KCNQ1: variants seen among roughly 807,000 people sequenced by gnomAD.
KCNQ1 encodes potassium voltage-gated channel subfamily KQT member 1.
A neutral mutation model predicts 72.4 loss-of-function variants in KCNQ1; 49 were observed. The observed-to-expected ratio is 0.68, with a 90% CI of 0.54 to 0.86. The LOEUF is 0.86. KCNQ1 is among the 40% of genes least tolerant of loss of function. KCNQ1 has a pLI of 0.00. For missense variants in KCNQ1, 790 were observed against 945.1 expected (o/e 0.84, Z 2.15); for synonymous variants, 450 against 412.6 (o/e 1.09, Z -1.10).
At position 2,781,695 on chromosome 11, in the gene KCNQ1, C is replaced by T. The variant is rs931089844; in HGVS notation, c.1794+3658C>T. ...CCTGCCACACTGTTTACGTTGGGCCCTGTTTATTTTGCAAGCTAAGCTCAT... is the reference window on the plus strand; with the variant it reads ...CCTGCCACACTGTTTACGTTGGGCCTTGTTTATTTTGCAAGCTAAGCTCAT... On this transcript the variant is annotated intron_variant, in intron 15 of 15. Coordinates refer to ENST00000155840, the MANE Select transcript of KCNQ1 (RefSeq NM_000218.3). This position sits in a 1 kb window ranked among gnomAD's most constrained non-coding sequence, Gnocchi z 6.6. 3.3e-5 allele frequency among the ~76,000 whole-genome samples: 5 copies of T among 152,222 alleles called. No homozygotes were observed. Among genetic ancestry groups the T allele is most frequent in the African/African-American group, 1.2e-4 (5 of 41,456 alleles).
intron 10 of KCNQ1, chr11:2,615,513 T>C: frequency 2.5e-6 from 1 of 398,030 alleles, no homozygotes; most frequent in Non-Finnish European, 4.4e-6. Context: ...GTTTTTTTTC[T>C]CATTAAGTAT....
rs1032063883 is a variant in KCNQ1 at position 2,674,471 on chromosome 11, C to G, written c.1514+12390C>G. On this transcript the variant is annotated intron_variant, in intron 11 of 15. Transcript: ENST00000155840. This position sits in a 1 kb window ranked among gnomAD's most constrained non-coding sequence, Gnocchi z 5.9. ...GCACGTGGGGAGGAGGGCTGCCTGTCGAGATGTGTAAGATGGCCCCAGTGT... is the reference window on the plus strand; with the variant it reads ...GCACGTGGGGAGGAGGGCTGCCTGTGGAGATGTGTAAGATGGCCCCAGTGT... The G allele has an allele frequency of 3.8e-5, 15 of 398,450 alleles. No homozygotes were observed. The highest frequency in any genetic ancestry group is 2.2e-5 in the Non-Finnish European group (5 of 226,110). 24.7% of individuals were successfully genotyped at this position (398,450 alleles called of 1,614,324 possible).
In KCNQ1 at chr11:2,482,129, C is replaced by T. The variant is rs1050611403; in HGVS notation, c.386+36645C>T. On this transcript the variant is annotated intron_variant, in intron 1 of 15. Transcript: ENST00000155840. The surrounding 1 kb of genome is among the most constrained non-coding windows in gnomAD (Gnocchi z 5.7). ...TTTGAGGATTGAATGAACTCATTGT[C>T]CAGCACCCTTAGCTTCTTGCCAGCT... 4.6e-5 allele frequency among the ~76,000 whole-genome samples: 7 copies of T among 152,148 alleles called. No individual in the cohort carries two copies. The highest frequency in any genetic ancestry group is 1.7e-4 in the African/African-American group (7 of 41,420).
chr11:2,753,827 C>G (rs548536339), intron 11 of KCNQ1, among the ~76,000 whole-genome samples: 3 of 152,142 alleles, frequency 2.0e-5, no homozygotes, highest in African/African-American at 7.2e-5. Context: ...TCCCAGCTTC[C>G]CTCTATCTGA....
intron 1 of KCNQ1, among the ~76,000 whole-genome samples, chr11:2,496,821 C>A (rs1309507995): frequency 6.6e-6 from 1 of 152,052 alleles, no homozygotes; most frequent in African/African-American, 2.4e-5. Flanking sequence ...GTGGCTGATA[C>A]TGCTTTTTCC....
At position 2,669,350 on chromosome 11, in the gene KCNQ1, G is replaced by A. The variant is rs780507024; in HGVS notation, c.1514+7269G>A. 42 of 398,510 alleles carry A rather than the reference G, an allele frequency of 1.1e-4. No individual in the cohort carries two copies. Among genetic ancestry groups the A allele is most frequent in the Non-Finnish European group, 1.5e-4 (35 of 226,084 alleles). The allele number at this position is 398,510 out of a possible 1,614,324, so 24.7% of individuals were successfully genotyped here. A position where few individuals can be genotyped will look rare whatever the true frequency, so the allele number is the denominator to read the frequency against. ...TCTAGGCGCAGCAGCCTCTAGATGG[G>A]CATGGGAGAATGGGTATCCTTATAG... On this transcript the variant is annotated intron_variant, in intron 11 of 15. Coordinates refer to ENST00000155840, the MANE Select transcript of KCNQ1 (RefSeq NM_000218.3). The surrounding 1 kb of genome is among the most constrained non-coding windows in gnomAD (Gnocchi z 5.6).
In KCNQ1 at chr11:2,671,478, A is replaced by G; in HGVS notation, c.1514+9397A>G. The stretch of plus-strand genomic sequence containing the variant: ...AACCCAGCAGGGGATATACACAAAG[A>G]TCTGAGAAAGGGATTATTTTTAGGG... On this transcript the variant is annotated intron_variant, in intron 11 of 15. Transcript: ENST00000155840. The surrounding 1 kb of genome is among the most constrained non-coding windows in gnomAD (Gnocchi z 4.7). 1 of 398,570 alleles carries G rather than the reference A, an allele frequency of 2.5e-6. No homozygotes were observed. The highest frequency in any genetic ancestry group is 2.1e-5 in the African/African-American group (1 of 48,716). The allele number at this position is 398,570 out of a possible 1,614,324, so 24.7% of individuals were successfully genotyped here.
chr11:2,758,212 A>G (rs1470255110), intron 11 of KCNQ1, among the ~76,000 whole-genome samples: 1 of 152,216 alleles, frequency 6.6e-6, no homozygotes, highest in Non-Finnish European at 1.5e-5. Flanking sequence ...ACTCAACAGT[A>G]AAAAACAGCC....
Position 2,678,840 on chromosome 11 carries a change from G to A in KCNQ1, c.1514+16759G>A, listed in dbSNP as rs1201346189. 1 of 398,514 alleles carries A rather than the reference G, an allele frequency of 2.5e-6. No individual in the cohort carries two copies. The highest frequency in any genetic ancestry group is 4.4e-6 in the Non-Finnish European group (1 of 226,084). 24.7% of individuals were successfully genotyped at this position (398,514 alleles called of 1,614,324 possible). A position where few individuals can be genotyped will look rare whatever the true frequency, so the allele number is the denominator to read the frequency against. On this transcript the variant is annotated intron_variant, in intron 11 of 15. Coordinates refer to ENST00000155840, the MANE Select transcript of KCNQ1 (RefSeq NM_000218.3). The surrounding 1 kb of genome is among the most constrained non-coding windows in gnomAD (Gnocchi z 4.9). Reference sequence around the variant, plus strand: ...TCCAAGGCTCACTTCAAGGAAGGCAGAATCCAGGTCGGGGGTGCACAGGAG... The same window carrying A: ...TCCAAGGCTCACTTCAAGGAAGGCAAAATCCAGGTCGGGGGTGCACAGGAG...
Position 2,661,662 on chromosome 11 carries a change from G to A in KCNQ1, c.1394-299G>A. ...GTGTCAGTTGTGAACATGGGAAGAG[G>A]CCCAGAACCTGAGGTGGGGAGAGTC... On this transcript the variant is annotated intron_variant, in intron 10 of 15. Transcript: ENST00000155840. The surrounding 1 kb of genome is among the most constrained non-coding windows in gnomAD (Gnocchi z 5.9). 1.7e-6 allele frequency: 1 copy of A among 596,466 alleles called. No individual in the cohort carries two copies. Among genetic ancestry groups the A allele is most frequent in the Middle Eastern group, 4.4e-4 (1 of 2,252 alleles). 36.9% of individuals were successfully genotyped at this position (596,466 alleles called of 1,614,324 possible).
intron 2 of KCNQ1, among the ~76,000 whole-genome samples, chr11:2,569,405 A>C (rs1290099608): frequency 1.3e-5 from 2 of 152,248 alleles, no homozygotes; most frequent in Admixed American, 1.3e-4. Context: ...TTTGGGAGCC[A>C]GCGATGGCAG....
At chr11:2,729,277 C>T (rs974609764) in intron 11 of KCNQ1, among the ~76,000 whole-genome samples, 12 of 152,368 alleles carry the variant, frequency 7.9e-5, no homozygotes, top group African/African-American at 1.2e-4. Flanking sequence ...CTGCCCTGGA[C>T]GTGACAAATC....
chr11:2,678,523 T>G lies in KCNQ1; in HGVS notation c.1514+16442T>G. On this transcript the variant is annotated intron_variant, in intron 11 of 15. Transcript: ENST00000155840. The surrounding 1 kb of genome is among the most constrained non-coding windows in gnomAD (Gnocchi z 4.9). ...ATTTCTAGACTCTATTCTGGACTGC[T>G]GATGGGCCTGTTGATAGGCCAGAGC... The G allele has an allele frequency of 2.5e-6, 1 of 398,642 alleles. No homozygotes were observed. Among genetic ancestry groups the G allele is most frequent in the Non-Finnish European group, 4.4e-6 (1 of 226,056 alleles). The allele number at this position is 398,642 out of a possible 1,614,324, so 24.7% of individuals were successfully genotyped here.
chr11:2,838,733 C>T (rs1395659472), intron 15 of KCNQ1, among the ~76,000 whole-genome samples: 1 of 152,124 alleles, frequency 6.6e-6, no homozygotes, highest in African/African-American at 2.4e-5. Context: ...CCCCTGCCCA[C>T]CTGCCCCCGT....
chr11:2,496,403 G>T (rs1846916973), intron 1 of KCNQ1, among the ~76,000 whole-genome samples: 2 of 151,038 alleles, frequency 1.3e-5, no homozygotes, highest in South Asian at 4.2e-4. Context: ...CGCCACTGCA[G>T]TCTGGCCTGG....
Position 2,653,984 on chromosome 11 carries a change from G to C in KCNQ1, c.1394-7977G>C. The C allele has an allele frequency of 5.0e-6, 2 of 398,688 alleles. No homozygotes were observed. Among genetic ancestry groups the C allele is most frequent in the Admixed American group, 8.8e-5 (2 of 22,746 alleles). The allele number at this position is 398,688 out of a possible 1,614,324, so 24.7% of individuals were successfully genotyped here. On this transcript the variant is annotated intron_variant, in intron 10 of 15. Transcript: ENST00000155840. This position sits in a 1 kb window ranked among gnomAD's most constrained non-coding sequence, Gnocchi z 5.3. ...CCACTCAAGCAAGGTATTTTCCTAA[G>C]CGGAACTGGGTGCCAGCTGTGAATA... is the stretch of plus-strand genomic sequence containing the variant.
rs557458506 is a variant in KCNQ1, at chr11:2,509,606, G to A, written c.387-18322G>A. 7.5e-4 allele frequency among the ~76,000 whole-genome samples: 114 copies of A among 152,300 alleles called. No homozygotes were observed. Among genetic ancestry groups the A allele is most frequent in the African/African-American group, 2.7e-3 (114 of 41,570 alleles). ...GGGTGTGAGGGCAGTAGTGCAGGTCGTGGTCCCAGATGGCCACGGAGGTGT... is the reference window on the plus strand; with the variant it reads ...GGGTGTGAGGGCAGTAGTGCAGGTCATGGTCCCAGATGGCCACGGAGGTGT... On this transcript the variant is annotated intron_variant, in intron 1 of 15. Transcript: ENST00000155840. This position sits in a 1 kb window ranked among gnomAD's most constrained non-coding sequence, Gnocchi z 6.3.
intron 11 of KCNQ1, among the ~76,000 whole-genome samples, chr11:2,753,917 A>G (rs1846262471): frequency 6.6e-6 from 1 of 152,170 alleles, no homozygotes; most frequent in Non-Finnish European, 1.5e-5. Context: ...CAAATTGTAT[A>G]TCTGATAAGG....
chr11:2,467,293 C>T lies in KCNQ1; in HGVS notation c.386+21809C>T, dbSNP rs111681543. On this transcript the variant is annotated intron_variant, in intron 1 of 15. Transcript: ENST00000155840. Reference sequence around the variant, plus strand: ...CCCTTCGTGGCACCTTGGTGTCCGGCAGGGAGGCAGGGGCCCAGGAGGAGG... The same window carrying T: ...CCCTTCGTGGCACCTTGGTGTCCGGTAGGGAGGCAGGGGCCCAGGAGGAGG... Among the ~76,000 whole-genome samples, 696 of 152,218 alleles carry T rather than the reference C, an allele frequency of 4.6e-3. 2 individuals are homozygous for T. The highest frequency in any genetic ancestry group is 8.0e-3 in the Admixed American group (122 of 15,304).
Sources: gnomAD v4.1 joint callset for allele counts (sites outside exome capture counted in the v4.1 genomes callset) on GRCh38, gnomAD v4.1.1 for gene constraint, Gnocchi (gnomAD v3.1) non-coding constraint, MANE v1.5 for transcripts, NCBI Gene and HGNC (gene_info 2026-07-23, HGNC 2026-07-21) for gene names.